Variants in DEPDC1B observed in about 807,000 individuals in gnomAD.
The protein encoded by DEPDC1B is DEP domain-containing protein 1B.
DEPDC1B carries 51 observed loss-of-function variants against 66.5 expected under a neutral mutation model. That is an observed-to-expected ratio of 0.77 (90% CI 0.61 to 0.97). DEPDC1B has a LOEUF of 0.97. DEPDC1B is among the 50% of genes least tolerant of loss of function. The pLI, the probability that DEPDC1B is intolerant of heterozygous loss-of-function variation, is 0.00. For missense variants in DEPDC1B, 552 were observed against 637.1 expected (o/e 0.87, Z 1.44); for synonymous variants, 226 against 223.6 (o/e 1.01, Z -0.10).
chr5:60,606,609 CAA>C (rs60544270), intron 7 of DEPDC1B, among the ~76,000 whole-genome samples: 622 of 46,568 alleles, frequency 0.013, 1 homozygote, highest in African/African-American at 0.024. Flanking sequence ...CCCATTTCTA[CAA>C]AAAAAAAAAA....
At chr5:60,615,346 C>T (rs370016620) in intron 7 of DEPDC1B, among the ~76,000 whole-genome samples, 37 of 152,238 alleles carry the variant, frequency 2.4e-4, no homozygotes, top group Middle Eastern at 3.4e-3. Context: ...AGAATGGTGA[C>T]GCATCGCCTC....
intron 6 of DEPDC1B, among the ~76,000 whole-genome samples, chr5:60,639,807 C>T (rs1753146634): frequency 6.6e-6 from 1 of 152,208 alleles, no homozygotes; most frequent in South Asian, 2.1e-4. Context: ...AGCCAGCCTT[C>T]TCTATTTCCA....
chr5:60,692,992 G>C (rs893571563), intron 1 of DEPDC1B, among the ~76,000 whole-genome samples: 5 of 152,130 alleles, frequency 3.3e-5, no homozygotes, highest in Non-Finnish European at 7.4e-5. Context: ...TAAGGAGGTA[G>C]GGACCAAGTG....
Position 60,642,816 on chromosome 5 carries a change from T to C in DEPDC1B, c.753A>G (p.Ala251=). 6.2e-7 allele frequency: 1 copy of C among 1,609,636 alleles called. No homozygotes were observed. Among genetic ancestry groups the C allele is most frequent in the Non-Finnish European group, 8.5e-7 (1 of 1,178,612 alleles). Residue 251 remains alanine (A), a synonymous_variant, in exon 6 of 11, where the codon GCA becomes GCG. Coordinates refer to ENST00000265036, the MANE Select transcript of DEPDC1B (RefSeq NM_018369.3). ...TGGCAGATAATTAGTACTTACAATT[T>C]GCCAAACACTTCATAGCTGACAGCA... ...HWVLSAMKCL[A]NWPNCSDLKQ...
chr5:60,674,876 G>A (rs1010263327), intron 2 of DEPDC1B, among the ~76,000 whole-genome samples: 1 of 152,142 alleles, frequency 6.6e-6, no homozygotes, highest in African/African-American at 2.4e-5. Flanking sequence ...TAAGACAAAG[G>A]AGGAAAAGGA....
chr5:60,641,492 T>A (rs1300698764), intron 6 of DEPDC1B, among the ~76,000 whole-genome samples: 2 of 151,504 alleles, frequency 1.3e-5, no homozygotes, highest in East Asian at 3.9e-4. Flanking sequence ...GCCCAGCTAA[T>A]TTTTTTTGTA....
intron 2 of DEPDC1B, among the ~76,000 whole-genome samples, chr5:60,667,843 TGGATATTTTACATATATGTA>T: frequency 1.7e-5 from 2 of 114,942 alleles, no homozygotes; most frequent in Non-Finnish European, 3.3e-5. Context: ...ATGTAAAAAA[TGGATATTTTACATATATGTA>T]AAAAATGGAT....
At chr5:60,634,925 G>T (rs1753008726) in intron 7 of DEPDC1B, among the ~76,000 whole-genome samples, 1 of 151,818 alleles carries the variant, frequency 6.6e-6, no homozygotes, top group Non-Finnish European at 1.5e-5. Flanking sequence ...TGGGCATGGT[G>T]GTGCATGCCT....
intron 2 of DEPDC1B, among the ~76,000 whole-genome samples, chr5:60,685,215 G>A (rs561632199): frequency 3.9e-4 from 60 of 152,104 alleles, no homozygotes; most frequent in Non-Finnish European, 7.1e-4. Context: ...TGCAACGGCC[G>A]GCTGTACACT....
chr5:60,674,157 A>T (rs942247952), intron 2 of DEPDC1B, among the ~76,000 whole-genome samples: 2 of 152,188 alleles, frequency 1.3e-5, no homozygotes, highest in Non-Finnish European at 2.9e-5. Context: ...AGTTGGTAAG[A>T]CCAAGTGTTT....
At chr5:60,614,124 T>G (rs1378835479) in intron 7 of DEPDC1B, among the ~76,000 whole-genome samples, 1 of 152,200 alleles carries the variant, frequency 6.6e-6, no homozygotes, top group East Asian at 1.9e-4. Context: ...AACAGAAGTC[T>G]GAACTTGTTT....
At chr5:60,604,091 T>C (rs974957458) in intron 8 of DEPDC1B, among the ~76,000 whole-genome samples, 1 of 151,688 alleles carries the variant, frequency 6.6e-6, no homozygotes, top group African/African-American at 2.4e-5. Context: ...GACAATCATC[T>C]TTGAACAAAG....
chr5:60,686,742 T>C (rs377198066), intron 2 of DEPDC1B, among the ~76,000 whole-genome samples: 147 of 152,342 alleles, frequency 9.6e-4, no homozygotes, highest in African/African-American at 3.2e-3. Context: ...GAAACATCAC[T>C]GCAACAAAAC....
At chr5:60,656,086 T>G (rs943331944) in intron 2 of DEPDC1B, among the ~76,000 whole-genome samples, 2 of 152,148 alleles carry the variant, frequency 1.3e-5, no homozygotes, top group Admixed American at 1.3e-4. Context: ...AGAATGTATA[T>G]TCTGCACTCA....
rs568513339 is a variant in DEPDC1B, at chr5:60,682,687, A to G, written c.314+4275T>C. On this transcript the variant is annotated intron_variant, in intron 2 of 10. Coordinates refer to ENST00000265036, the MANE Select transcript of DEPDC1B (RefSeq NM_018369.3). ...ATATAAGCAACGAATTGGAAAACCT[A>G]AAGGAAATGGATATATTCATAGACA... 9.8e-5 allele frequency among the ~76,000 whole-genome samples: 15 copies of G among 152,286 alleles called. 1 individual carries two copies. In the South Asian group the frequency reaches 2.9e-3, roughly 29 times the overall value.
In DEPDC1B at chr5:60,700,045, C is replaced by G; in HGVS notation, c.48+1G>C. ...GCCCAGGCCCCAGCACACTCACTCA[C>G]CAGCCTGGTAGCTCGGTACGGCCCG... On this transcript the variant is annotated splice_donor_variant, in intron 1 of 10. Transcript: ENST00000265036. LOFTEE classifies it high-confidence loss of function. 3 of 1,557,078 alleles carry G rather than the reference C, an allele frequency of 1.9e-6. No homozygotes were observed. The highest frequency in any genetic ancestry group is 1.2e-5 in the South Asian group (1 of 84,446).
chr5:60,698,711 G>T (rs1444504856), intron 1 of DEPDC1B, among the ~76,000 whole-genome samples: 1 of 151,196 alleles, frequency 6.6e-6, no homozygotes, highest in African/African-American at 2.4e-5. Context: ...CGTTGCCCAG[G>T]CTGGAGTGCA....
At chr5:60,663,598 C>A (rs1471072664) in intron 2 of DEPDC1B, among the ~76,000 whole-genome samples, 1 of 152,178 alleles carries the variant, frequency 6.6e-6, no homozygotes, top group Non-Finnish European at 1.5e-5. Context: ...TCCTTCAAAC[C>A]CAACATCTCA....
At chr5:60,656,969 C>T (rs1055749687) in intron 2 of DEPDC1B, among the ~76,000 whole-genome samples, 1 of 152,122 alleles carries the variant, frequency 6.6e-6, no homozygotes, top group African/African-American at 2.4e-5. Context: ...TTTGAAAGCT[C>T]CAGTGTTAGG....
Sources: gnomAD v4.1 joint callset for allele counts (sites outside exome capture counted in the v4.1 genomes callset) on GRCh38, gnomAD v4.1.1 for gene constraint, MANE v1.5 for transcripts, NCBI Gene and HGNC (gene_info 2026-07-23, HGNC 2026-07-21) for gene names.